CRADD: variants seen among roughly 807,000 people sequenced by gnomAD.
CRADD encodes the protein CARD and death domain containing adaptor protein, also known as death domain-containing protein CRADD.
In CRADD, 9 loss-of-function variants were observed where a neutral mutation model predicts 15.5. The ratio of observed to expected loss-of-function variants is 0.58; its 90% confidence interval spans 0.35 to 1.01. The LOEUF is 1.01. CRADD is among the 50% of genes least tolerant of loss of function. The pLI is 0.02. For synonymous variants in CRADD, 118 were observed against 107.6 expected, an observed-to-expected ratio of 1.10 and a Z score of -0.60; for missense variants, 227 against 250.3, an observed-to-expected ratio of 0.91 and a Z score of 0.63.
At chr12:93,773,249 C>T (rs1010410605) in intron 2 of CRADD, among the ~76,000 whole-genome samples, 4 of 152,106 alleles carry the variant, frequency 2.6e-5, no homozygotes, top group African/African-American at 9.7e-5. Flanking sequence ...TGACTGTGTC[C>T]CCACTCACAT....
chr12:93,796,561 C>T (rs976079963), intron 2 of CRADD, among the ~76,000 whole-genome samples: 2 of 148,384 alleles, frequency 1.3e-5, no homozygotes, highest in South Asian at 2.1e-4. Context: ...GCCGAGATCA[C>T]GCCACTGTAC....
At chr12:93,700,550 C>T (rs1955819923) in intron 2 of CRADD, among the ~76,000 whole-genome samples, 2 of 152,122 alleles carry the variant, frequency 1.3e-5, no homozygotes, top group Non-Finnish European at 2.9e-5. Flanking sequence ...CCTGCCTCAG[C>T]CTCCCGAGTA....
At chr12:93,736,629 A>T (rs1956574791) in intron 2 of CRADD, among the ~76,000 whole-genome samples, 1 of 152,192 alleles carries the variant, frequency 6.6e-6, no homozygotes, top group African/African-American at 2.4e-5. Context: ...GTCTTTTAGG[A>T]TGTGACTAGG....
chr12:93,856,243 G>A (rs1958273926), intron 2 of CRADD, among the ~76,000 whole-genome samples: 1 of 152,196 alleles, frequency 6.6e-6, no homozygotes, highest in Admixed American at 6.5e-5. Flanking sequence ...AAGATAAGTG[G>A]CTATGAACTG....
At chr12:93,857,320 A>T (rs544974296) in intron 2 of CRADD, among the ~76,000 whole-genome samples, 148 of 152,334 alleles carry the variant, frequency 9.7e-4, no homozygotes, top group African/African-American at 2.4e-3. Context: ...GGTGACGTAT[A>T]ACCTCCTACT....
chr12:93,845,982 T>C (rs1196149527), intron 2 of CRADD, among the ~76,000 whole-genome samples: 1 of 152,090 alleles, frequency 6.6e-6, no homozygotes, highest in African/African-American at 2.4e-5. Context: ...CATTCTGCTT[T>C]CTGTATCTGA....
At chr12:93,876,485 T>A (rs1050410376) in intron 2 of CRADD, among the ~76,000 whole-genome samples, 1 of 152,136 alleles carries the variant, frequency 6.6e-6, no homozygotes, top group Admixed American at 6.5e-5. Context: ...ATGTTTTAGA[T>A]CCTATAGGTG....
At chr12:93,847,919 A>G (rs144136619) in intron 2 of CRADD, among the ~76,000 whole-genome samples, 1 of 152,296 alleles carries the variant, frequency 6.6e-6, no homozygotes, top group East Asian at 1.9e-4. Flanking sequence ...TCAGAATGTC[A>G]TTTTGTTTCA....
At chr12:93,677,667 T>C (rs927209366) in intron 1 of CRADD, 195 bp downstream of exon 1, 3 of 152,272 alleles carry the variant, frequency 2.0e-5, no homozygotes, top group Non-Finnish European at 4.4e-5. Flanking sequence ...ACTCCCTCTT[T>C]AGCGGGTCAA....
chr12:93,750,020 T>C (rs929939867), intron 2 of CRADD, among the ~76,000 whole-genome samples: 7 of 152,198 alleles, frequency 4.6e-5, no homozygotes, highest in Non-Finnish European at 1.0e-4. Context: ...GTGAAGAACA[T>C]GCAGACTAAT....
At chr12:93,870,478 A>AT (rs1196770880) in intron 2 of CRADD, among the ~76,000 whole-genome samples, 1 of 152,070 alleles carries the variant, frequency 6.6e-6, no homozygotes, top group African/African-American at 2.4e-5. Context: ...GGCTACTGAC[A>AT]TTTTTTTGTC....
At chr12:93,836,169 A>G (rs1957970491) in intron 2 of CRADD, 1 of 151,422 alleles carries the variant, frequency 6.6e-6, no homozygotes, top group African/African-American at 2.4e-5. Flanking sequence ...TACCATCTCC[A>G]CTCTGCTGAA....
Position 93,822,447 on chromosome 12 carries a change from C to T in CRADD, c.299-27523C>T, listed in dbSNP as rs977084609. 2.4e-4 allele frequency among the ~76,000 whole-genome samples: 36 copies of T among 152,190 alleles called. 1 individual carries two copies. Among genetic ancestry groups the T allele is most frequent in the Admixed American group, 7.2e-4 (11 of 15,268 alleles). On this transcript the variant is annotated intron_variant, in intron 2 of 2. Transcript: ENST00000332896. ...CCGATACTGCATCCTCTTTGTACCA[C>T]AGTGAATTGTTGCCATGAAGCTGAG...
At chr12:93,753,756 G>C (rs1283153276) in intron 2 of CRADD, among the ~76,000 whole-genome samples, 4 of 152,168 alleles carry the variant, frequency 2.6e-5, no homozygotes, top group African/African-American at 9.7e-5. Flanking sequence ...CACAACTTTG[G>C]GCAGCTCTGC....
chr12:93,889,931 T>G (rs534617847), intron 2 of CRADD, among the ~76,000 whole-genome samples: 1 of 152,292 alleles, frequency 6.6e-6, no homozygotes, highest in Non-Finnish European at 1.5e-5. Context: ...CTCCAGTATG[T>G]AAAATGGTTT....
chr12:93,891,227 G>A (rs1005313014), intron 2 of CRADD, among the ~76,000 whole-genome samples: 1 of 151,622 alleles, frequency 6.6e-6, no homozygotes, highest in African/African-American at 2.4e-5. Flanking sequence ...GGTGGCTCAC[G>A]CCTGGAATCC....
At chr12:93,827,158 C>T (rs1398909976) in intron 2 of CRADD, among the ~76,000 whole-genome samples, 2 of 152,190 alleles carry the variant, frequency 1.3e-5, no homozygotes, top group Non-Finnish European at 2.9e-5. Flanking sequence ...ACCATTGCCA[C>T]AGTCAGAATG....
At chr12:93,773,813 G>GTTT (rs3030268) in intron 2 of CRADD, among the ~76,000 whole-genome samples, 8,412 of 87,442 alleles carry the variant, frequency 0.096, 854 homozygotes, top group East Asian at 0.18. Context: ...TACTTTGTGA[G>GTTT]TTTTTTTTTT....
chr12:93,678,062 A>G (rs1251819717), intron 1 of CRADD: 12 of 152,322 alleles, frequency 7.9e-5, no homozygotes, highest in Admixed American at 7.8e-4. Flanking sequence ...AAAATCCCAT[A>G]AAATGTCCCA....
Sources: gnomAD v4.1 joint callset for allele counts (sites outside exome capture counted in the v4.1 genomes callset) on GRCh38, gnomAD v4.1.1 for gene constraint, MANE v1.5 for transcripts, NCBI Gene and HGNC (gene_info 2026-07-23, HGNC 2026-07-21) for gene names.